Variants in CLCC1 observed in about 807,000 individuals in gnomAD.
The protein encoded by CLCC1 is chloride channel CLIC-like protein 1.
In CLCC1, 39 loss-of-function variants were observed where a neutral mutation model predicts 63.3. The ratio of observed to expected loss-of-function variants is 0.62; its 90% CI spans 0.48 to 0.81. The LOEUF is 0.81. Among genes scored for constraint, CLCC1 ranks in the 30% least tolerant of loss-of-function variants. The pLI is 0.00. For missense variants in CLCC1, 549 were observed against 669.4 expected (o/e 0.82, Z 1.98); for synonymous variants, 217 against 239.8 (o/e 0.90, Z 0.88).
At position 108,937,070 on chromosome 1, in the gene CLCC1, G is replaced by GACTT; in HGVS notation, c.1383+3_1383+6dup. The stretch of plus-strand genomic sequence containing the variant: ...GGGACAGCAGAATAAAAGAGTTGCT[G>GACTT]ACTTACACTGGGTACCACCGTGGGA... On this transcript the variant is annotated splice_region_variant and intron_variant, in intron 11 of 12. Coordinates refer to ENST00000369969, the MANE Select transcript of CLCC1 (RefSeq NM_001377458.1). The GACTT allele has an allele frequency of 6.7e-7, 1 of 1,483,770 alleles. No homozygotes were observed. The highest frequency in any genetic ancestry group is 9.0e-7 in the Non-Finnish European group (1 of 1,116,512). The allele number at this position is 1,483,770 out of a possible 1,614,324, so 91.9% of individuals were successfully genotyped here. A position where few individuals can be genotyped will look rare whatever the true frequency, so the allele number is the denominator to read the frequency against.
At chr1:108,940,531 G>A (rs1456864528) in intron 8 of CLCC1, among the ~76,000 whole-genome samples, 2 of 152,204 alleles carry the variant, frequency 1.3e-5, no homozygotes, top group African/African-American at 4.8e-5. Flanking sequence ...AGCTGTGCAA[G>A]ATGTCACCAC....
rs1653864490 is a variant in CLCC1 at position 108,941,666 on chromosome 1, T to A, written c.703-168A>T. On this transcript the variant is annotated intron_variant, in intron 7 of 12. Coordinates refer to ENST00000369969, the MANE Select transcript of CLCC1 (RefSeq NM_001377458.1). Reference sequence around the variant, plus strand: ...TTATTATTACTATTTTTTCTCTTTTTTTCCTGAGACGGAGTCTCGCCCTGT... The same window carrying A: ...TTATTATTACTATTTTTTCTCTTTTATTCCTGAGACGGAGTCTCGCCCTGT... Among the ~76,000 whole-genome samples, 6 of 152,322 alleles carry A rather than the reference T, an allele frequency of 3.9e-5. No individual in the cohort carries two copies. In the South Asian group the frequency reaches 1.2e-3, roughly 32 times the overall value.
intron 8 of CLCC1, 76 bp from the exon 9 acceptor site, chr1:108,940,218 G>T: frequency 3.9e-6 from 4 of 1,022,024 alleles, no homozygotes; most frequent in African/African-American, 3.2e-5. Context: ...ACATTACTTT[G>T]GTTTTGACCC....
chr1:108,939,557 C>T, intron 10 of CLCC1, 79 bp downstream of exon 10: 6 of 1,333,600 alleles, frequency 4.5e-6, no homozygotes, highest in Non-Finnish European at 6.2e-6. Flanking sequence ...GATCCGCCCG[C>T]CTAGGCCTCC....
chr1:108,963,127 T>C (rs1426119200), intron 1 of CLCC1, among the ~76,000 whole-genome samples: 1 of 152,178 alleles, frequency 6.6e-6, no homozygotes, highest in African/African-American at 2.4e-5. Flanking sequence ...GCCAAGCACC[T>C]CCCCGGAACG....
intron 2 of CLCC1, among the ~76,000 whole-genome samples, chr1:108,956,063 T>C (rs1246365390): frequency 6.6e-6 from 1 of 151,582 alleles, no homozygotes; most frequent in African/African-American, 2.4e-5. Context: ...ACTGTCTCTC[T>C]GGAGAATCCT....
chr1:108,946,346 G>A (rs1016741818), intron 5 of CLCC1, among the ~76,000 whole-genome samples: 1 of 151,368 alleles, frequency 6.6e-6, no homozygotes, highest in African/African-American at 2.4e-5. Context: ...ATATTTTCCA[G>A]CATTTCCATC....
chr1:108,934,733 G>A lies in CLCC1; in HGVS notation c.1593C>T (p.Tyr531=), dbSNP rs1557889962. 6.2e-7 allele frequency: 1 copy of A among 1,614,198 alleles called. No homozygotes were observed. The highest frequency in any genetic ancestry group is 8.5e-7 in the Non-Finnish European group (1 of 1,180,052). The stretch of plus-strand genomic sequence containing the variant: ...GTCCAGCCACACCTCTTGCGGGGCT[G>A]TATGTGCTGCCTTGGTCTGGGCTGC... The part of the protein sequence containing the change: ...AAGSPDQGST[Y]SPARGVAGPR... The change falls in exon 12 of 13, where the codon TAC becomes TAT. Residue 531 remains tyrosine, a synonymous_variant. Coordinates refer to ENST00000369969, the MANE Select transcript of CLCC1 (RefSeq NM_001377458.1).
rs1168321699 is a variant in CLCC1 at position 108,962,312 on chromosome 1, G to A, written c.-15C>T. The stretch of plus-strand genomic sequence containing the variant: ...TAATGGGAAAGGCAAGACTAACCTG[G>A]ATTAGTAGAGTCAAATCCTGTTTTA... On this transcript the variant is annotated 5_prime_UTR_variant, in exon 2 of 13. Transcript: ENST00000369969. The A allele has an allele frequency of 6.6e-6, 1 of 152,166 alleles. No individual in the cohort carries two copies. The highest frequency in any genetic ancestry group is 1.5e-5 in the Non-Finnish European group (1 of 68,038). The allele number at this position is 152,166 out of a possible 1,614,324, so 9.4% of individuals were successfully genotyped here. A position where few individuals can be genotyped will look rare whatever the true frequency, so the allele number is the denominator to read the frequency against.
At chr1:108,936,000 A>C (rs2101619244) in intron 11 of CLCC1, among the ~76,000 whole-genome samples, 1 of 151,896 alleles carries the variant, frequency 6.6e-6, no homozygotes, top group Non-Finnish European at 1.5e-5. Context: ...TTTCCCCTCA[A>C]GTGAGATAGG....
chr1:108,936,085 GTTTTTT>G (rs530980387), intron 11 of CLCC1, among the ~76,000 whole-genome samples: 4 of 88,104 alleles, frequency 4.5e-5, no homozygotes, highest in African/African-American at 1.4e-4. Flanking sequence ...ATCTTAAGTT[GTTTTTT>G]TTTTTTTTTT....
intron 2 of CLCC1, among the ~76,000 whole-genome samples, chr1:108,960,977 G>A (rs1360944998): frequency 2.0e-5 from 3 of 152,130 alleles, no homozygotes; most frequent in Non-Finnish European, 4.4e-5. Flanking sequence ...TTACAGGTGA[G>A]CCACTGTGCC....
intron 4 of CLCC1, 88 bp downstream of exon 4, chr1:108,949,732 T>C (rs1013883108): frequency 4.7e-5 from 33 of 706,784 alleles, no homozygotes; most frequent in Non-Finnish European, 6.5e-5. Context: ...ACGGAAACAC[T>C]AGAAATACAA....
chr1:108,956,863 T>G (rs1314940188), intron 2 of CLCC1, among the ~76,000 whole-genome samples: 3 of 26,164 alleles, frequency 1.1e-4, no homozygotes, highest in East Asian at 9.9e-4. Flanking sequence ...AGCTGGGTCT[T>G]GGGAATGAGC....
At chr1:108,941,771 A>G (rs1187661532) in intron 7 of CLCC1, among the ~76,000 whole-genome samples, 1 of 151,982 alleles carries the variant, frequency 6.6e-6, no homozygotes, top group Admixed American at 6.6e-5. Flanking sequence ...CTCCTGCCTC[A>G]GCTTCCCGAG....
chr1:108,938,693 T>C (rs1195396196), intron 10 of CLCC1, among the ~76,000 whole-genome samples: 1 of 152,174 alleles, frequency 6.6e-6, no homozygotes. Context: ...AGCATACCCA[T>C]GTTCTTCCAC....
In CLCC1 at chr1:108,929,695, T is replaced by C. The variant is rs778480184; in HGVS notation, c.*2852A>G. The C allele has an allele frequency of 1.2e-6, 2 of 1,612,914 alleles. No homozygotes were observed. The highest frequency in any genetic ancestry group is 4.5e-5 in the East Asian group (2 of 44,864). On this transcript the variant is annotated 3_prime_UTR_variant, in exon 13 of 13. Transcript: ENST00000369969. ...ATGTCTTTTAATCTCTCTCATAAAC[T>C]TCTAGGGATCCAGATTAGATGATCA...
intron 2 of CLCC1, among the ~76,000 whole-genome samples, chr1:108,951,762 T>A (rs1655207575): frequency 7.1e-6 from 1 of 141,388 alleles, no homozygotes; most frequent in South Asian, 2.3e-4. Flanking sequence ...CGTTGAATTG[T>A]ATACTTTTTT....
chr1:108,948,578 A>G (rs1654830189), intron 4 of CLCC1, among the ~76,000 whole-genome samples: 1 of 152,104 alleles, frequency 6.6e-6, no homozygotes, highest in South Asian at 2.1e-4. Context: ...AGAAGAACAC[A>G]GCAGTTTCCT....
Sources: allele counts gnomAD v4.1 joint callset (sites outside exome capture counted in the v4.1 genomes callset), GRCh38; gene constraint gnomAD v4.1.1; transcripts MANE v1.5; gene names NCBI Gene and HGNC (gene_info 2026-07-23, HGNC 2026-07-21).